SPTBN1: variants seen among roughly 807,000 people sequenced by gnomAD.
SPTBN1 encodes spectrin beta, non-erythrocytic 1, also known as spectrin beta chain, non-erythrocytic 1.
A neutral mutation model predicts 266.4 loss-of-function variants in SPTBN1; 32 were observed. The ratio of observed to expected loss-of-function variants is 0.12; its 90% confidence interval spans 0.09 to 0.16. SPTBN1 has a LOEUF of 0.16. SPTBN1 is among the 10% of genes least tolerant of loss of function. The pLI is 1.00. For missense variants in SPTBN1, 2,296 were observed against 3,067.1 expected, an observed-to-expected ratio of 0.75 and a Z score of 5.94; for synonymous variants, 1,336 against 1,162.2, an observed-to-expected ratio of 1.15 and a Z score of -3.04.
intron 1 of SPTBN1, among the ~76,000 whole-genome samples, chr2:54,464,752 C>T (rs532458619): frequency 2.6e-5 from 4 of 152,166 alleles, no homozygotes; most frequent in East Asian, 3.9e-4. Flanking sequence ...TGCATTGGCA[C>T]GAACATGGCT....
chr2:54,469,000 C>A (rs2103846869), intron 1 of SPTBN1, among the ~76,000 whole-genome samples: 1 of 152,274 alleles, frequency 6.6e-6, no homozygotes, highest in South Asian at 2.1e-4. Flanking sequence ...TACTAGAGCT[C>A]AGCTTTCTTG....
intron 11 of SPTBN1, 21 bp downstream of exon 11, chr2:54,624,983 A>C: frequency 6.4e-7 from 1 of 1,561,310 alleles, no homozygotes; most frequent in Non-Finnish European, 8.6e-7. Flanking sequence ...TGACATTATT[A>C]AAAAGACTGT....
At chr2:54,625,902 T>C in intron 11 of SPTBN1, 30 bp from the exon 12 acceptor site, 1 of 1,603,642 alleles carries the variant, frequency 6.2e-7, no homozygotes, top group Non-Finnish European at 8.5e-7. Flanking sequence ...GATTTTTTAT[T>C]TTCCTTCTTT....
At position 54,668,624 on chromosome 2, in the gene SPTBN1, T is replaced by C; in HGVS notation, c.*55T>C. The C allele has an allele frequency of 1.3e-6, 2 of 1,509,132 alleles. No homozygotes were observed. Among genetic ancestry groups the C allele is most frequent in the South Asian group, 2.4e-5 (2 of 83,454 alleles). 93.5% of individuals were successfully genotyped at this position (1,509,132 alleles called of 1,614,324 possible). On this transcript the variant is annotated 3_prime_UTR_variant, in exon 36 of 36. Coordinates refer to ENST00000356805, the MANE Select transcript of SPTBN1 (RefSeq NM_003128.3). ...TTACCTTTTCAGTGAAATTCCAGCA[T>C]GCAAGCTCAGAACCAACACATTACT...
At chr2:54,582,458 GGA>G (rs1158815992) in intron 2 of SPTBN1, among the ~76,000 whole-genome samples, 1 of 151,808 alleles carries the variant, frequency 6.6e-6, no homozygotes, top group Non-Finnish European at 1.5e-5. Context: ...CAGCTACTCT[GGA>G]GGCTGAGGCA....
At chr2:54,518,284 T>A (rs1174147755) in intron 1 of SPTBN1, among the ~76,000 whole-genome samples, 1 of 150,926 alleles carries the variant, frequency 6.6e-6, no homozygotes, top group African/African-American at 2.5e-5. Flanking sequence ...GCGGGGAACA[T>A]CACACACCGG....
intron 1 of SPTBN1, among the ~76,000 whole-genome samples, chr2:54,463,113 C>A (rs1386998819): frequency 6.6e-6 from 1 of 152,048 alleles, no homozygotes; most frequent in African/African-American, 2.4e-5. Context: ...GTAAAGGGAG[C>A]AAGTTACAGT....
intron 31 of SPTBN1, 66 bp downstream of exon 31, chr2:54,659,332 C>A: frequency 6.7e-7 from 1 of 1,501,144 alleles, no homozygotes; most frequent in South Asian, 1.1e-5. Context: ...TATGGGGCAT[C>A]TTTCTGAAGC....
chr2:54,472,937 C>T (rs1246499434), intron 1 of SPTBN1, among the ~76,000 whole-genome samples: 1 of 152,122 alleles, frequency 6.6e-6, no homozygotes, highest in Non-Finnish European at 1.5e-5. Context: ...AGTTTCTATA[C>T]TAAAGGATTT....
chr2:54,474,263 C>T (rs74751889), intron 1 of SPTBN1, among the ~76,000 whole-genome samples: 2,627 of 152,258 alleles, frequency 0.017, 75 homozygotes, highest in African/African-American at 0.056. Context: ...TCTATTGTAA[C>T]ATTACTATGA....
intron 2 of SPTBN1, among the ~76,000 whole-genome samples, chr2:54,596,172 C>T (rs751057749): frequency 1.8e-4 from 28 of 152,280 alleles, no homozygotes; most frequent in Admixed American, 9.2e-4. Flanking sequence ...TGCCTTTCAT[C>T]GTCAGTGCCA....
intron 2 of SPTBN1, among the ~76,000 whole-genome samples, chr2:54,547,802 A>G (rs1015836255): frequency 2.0e-5 from 3 of 152,182 alleles, no homozygotes; most frequent in Non-Finnish European, 4.4e-5. Context: ...GGTATTAGAA[A>G]AGAGCTTAGT....
chr2:54,552,465 CTT>C (rs58702463), intron 2 of SPTBN1, among the ~76,000 whole-genome samples: 2 of 148,026 alleles, frequency 1.4e-5, no homozygotes, highest in Non-Finnish European at 1.5e-5. Context: ...CTGCTTTTTT[CTT>C]TTTTTTTTTG....
chr2:54,490,120 C>T (rs1668608458), intron 1 of SPTBN1, among the ~76,000 whole-genome samples: 1 of 150,836 alleles, frequency 6.6e-6, no homozygotes, highest in South Asian at 2.1e-4. Context: ...GCACTTGTCA[C>T]CCAGGCTGGA....
At position 54,661,042 on chromosome 2, in the gene SPTBN1, C is replaced by T. The variant is rs753567246; in HGVS notation, c.6420+1043C>T. 15 of 985,254 alleles carry T rather than the reference C, an allele frequency of 1.5e-5. No individual in the cohort carries two copies. The African/African-American group carries it at 1.6e-4, about 10-fold the overall frequency. 61.0% of individuals were successfully genotyped at this position (985,254 alleles called of 1,614,324 possible). A position where few individuals can be genotyped will look rare whatever the true frequency, so the allele number is the denominator to read the frequency against. ...TTGGTGGACCGTGCCTGGGAGCGCT[C>T]GCATGCCCCCTGGCTTCAGAAGTCA... On this transcript the variant is annotated intron_variant, in intron 32 of 35. Transcript: ENST00000356805.
chr2:54,507,427 C>G (rs1669633270), intron 1 of SPTBN1, among the ~76,000 whole-genome samples: 1 of 152,014 alleles, frequency 6.6e-6, no homozygotes, highest in Non-Finnish European at 1.5e-5. Flanking sequence ...ACTGGGGCAA[C>G]ATGGAAACCT....
At chr2:54,612,079 G>C in intron 3 of SPTBN1, 82 bp from the exon 4 acceptor site, 2 of 1,337,840 alleles carry the variant, frequency 1.5e-6, no homozygotes, top group Non-Finnish European at 2.1e-6. Context: ...GCATGAATGG[G>C]CACATGTGAC....
chr2:54,624,250 T>C (rs937620051), intron 10 of SPTBN1, among the ~76,000 whole-genome samples: 8 of 152,162 alleles, frequency 5.3e-5, no homozygotes, highest in Non-Finnish European at 1.0e-4. Flanking sequence ...GCTGGAATTA[T>C]AGGCGTGAGC....
chr2:54,618,000 G>A, intron 6 of SPTBN1, 78 bp from the exon 7 acceptor site: 1 of 1,164,964 alleles, frequency 8.6e-7, no homozygotes, highest in Non-Finnish European at 1.3e-6. Context: ...AACCTTTTTG[G>A]AGTAACAGTC....
Sources: gnomAD v4.1 joint callset for allele counts (sites outside exome capture counted in the v4.1 genomes callset) on GRCh38, gnomAD v4.1.1 for gene constraint, MANE v1.5 for transcripts, NCBI Gene and HGNC (gene_info 2026-07-23, HGNC 2026-07-21) for gene names.